CRISP2: variants seen among roughly 807,000 people sequenced by gnomAD.
CRISP2 encodes the protein cysteine-rich secretory protein 2.
A neutral mutation model predicts 31.7 loss-of-function variants in CRISP2; 29 were observed. That is an observed-to-expected ratio of 0.92 (90% CI 0.68 to 1.25). CRISP2 has a LOEUF of 1.25. Ranked by LOEUF, CRISP2 falls within the 50% of genes most tolerant of loss-of-function variation. The pLI is 0.00. For missense variants in CRISP2, 318 were observed against 286.5 expected (o/e 1.11, Z -0.79); for synonymous variants, 111 against 101.4 (o/e 1.09, Z -0.57).
chr6:49,708,395 G>A (rs756272769), intron 4 of CRISP2, among the ~76,000 whole-genome samples: 6 of 152,278 alleles, frequency 3.9e-5, no homozygotes, highest in South Asian at 2.1e-4. Flanking sequence ...AAAAGTCTTC[G>A]CAGATGTAAT....
the CRISP2 span, among the ~76,000 whole-genome samples, chr6:49,679,054 T>C: frequency 6.6e-6 from 1 of 152,212 alleles, no homozygotes; most frequent in Non-Finnish European, 1.5e-5. Flanking sequence ...ATGTTCTGCT[T>C]ATGTTCTGCA....
At chr6:49,687,757 G>A (rs1763929130), downstream of CRISP2, among the ~76,000 whole-genome samples, 1 of 152,106 alleles carries the variant, frequency 6.6e-6, no homozygotes, top group South Asian at 2.1e-4. Flanking sequence ...TAAGTTTCAC[G>A]ATCACACAAC....
At chr6:49,698,077 A>G in intron 7 of CRISP2, 120 bp from the exon 8 acceptor site, 1 of 787,860 alleles carries the variant, frequency 1.3e-6, no homozygotes, top group Non-Finnish European at 1.9e-6. Context: ...CCATAAAAAT[A>G]TTTAAATTAT....
the CRISP2 span, among the ~76,000 whole-genome samples, chr6:49,686,067 T>C: frequency 1.3e-5 from 2 of 152,202 alleles, no homozygotes; most frequent in African/African-American, 4.8e-5. Context: ...TTTGCAAAAA[T>C]GTGAAGCCAT....
At chr6:49,706,921 A>G (rs1490951981) in intron 4 of CRISP2, among the ~76,000 whole-genome samples, 2 of 152,196 alleles carry the variant, frequency 1.3e-5, no homozygotes, top group Admixed American at 6.6e-5. Context: ...GTTAGAAAGG[A>G]TGTGCATATA....
At chr6:49,683,677 AAAAAAAAAAAAAAAAAAAT>A in the CRISP2 span, among the ~76,000 whole-genome samples, 3 of 37,700 alleles carry the variant, frequency 8.0e-5, no homozygotes, top group African/African-American at 2.5e-4. Context: ...AAAAAAAAAA[AAAAAAAAAAAAAAAAAAAT>A]ATATATATAT....
chr6:49,702,321 TACTC>T (rs935372932), intron 4 of CRISP2, among the ~76,000 whole-genome samples: 54 of 151,194 alleles, frequency 3.6e-4, no homozygotes, highest in African/African-American at 1.2e-3. Context: ...TCTGAGTAGA[TACTC>T]AGTAGTGAAA....
At chr6:49,709,077 C>A (rs1582141378) in intron 4 of CRISP2, 54 bp downstream of exon 4, 1 of 1,482,392 alleles carries the variant, frequency 6.7e-7, no homozygotes, top group African/African-American at 1.4e-5. Context: ...GAATAGCCTG[C>A]CATACCACAA....
the CRISP2 span, among the ~76,000 whole-genome samples, chr6:49,684,006 A>G: frequency 3.5e-4 from 53 of 152,038 alleles, no homozygotes; most frequent in Non-Finnish European, 3.4e-4. Flanking sequence ...GAGTCCTACT[A>G]TATCTGTACT....
At chr6:49,697,827 T>G (rs772298118) in intron 8 of CRISP2, 33 bp downstream of exon 8, 1 of 1,605,970 alleles carries the variant, frequency 6.2e-7, no homozygotes, top group African/African-American at 1.3e-5. Flanking sequence ...GCAGATAGAA[T>G]TATTGCCATT....
At chr6:49,688,249 C>T (rs1763946073), downstream of CRISP2, among the ~76,000 whole-genome samples, 1 of 152,154 alleles carries the variant, frequency 6.6e-6, no homozygotes, top group Admixed American at 6.6e-5. Context: ...TGGAGAAAAG[C>T]TTGAACAGGA....
chr6:49,684,131 G>T, the CRISP2 span, among the ~76,000 whole-genome samples: 1 of 152,046 alleles, frequency 6.6e-6, no homozygotes, highest in East Asian at 1.9e-4. Flanking sequence ...AGGATAAAGT[G>T]CAAAAATGAA....
At chr6:49,708,169 C>A (rs1379692510) in intron 4 of CRISP2, among the ~76,000 whole-genome samples, 1 of 151,936 alleles carries the variant, frequency 6.6e-6, no homozygotes, top group African/African-American at 2.4e-5. Context: ...TTAAGGAAAT[C>A]AGAAAATAGA....
At chr6:49,688,883 G>A (rs987301970), downstream of CRISP2, among the ~76,000 whole-genome samples, 2 of 151,442 alleles carry the variant, frequency 1.3e-5, no homozygotes, top group Non-Finnish European at 2.9e-5. Flanking sequence ...TATTTTTTTG[G>A]GGGGGACTGA....
upstream of CRISP2, chr6:49,713,587 G>A (rs1768421571): frequency 6.6e-6 from 1 of 152,344 alleles, no homozygotes; most frequent in Non-Finnish European, 1.5e-5. Flanking sequence ...CAGGCGCCAC[G>A]TGTGGGCGAC....
At chr6:49,698,156 G>T (rs1765090774) in intron 7 of CRISP2, among the ~76,000 whole-genome samples, 199 bp from the exon 8 acceptor site, 1 of 152,020 alleles carries the variant, frequency 6.6e-6, no homozygotes, top group South Asian at 2.1e-4. Context: ...AATTTATAAT[G>T]TAGGAACAAT....
intron 4 of CRISP2, among the ~76,000 whole-genome samples, chr6:49,702,086 TTA>T (rs1193812965): frequency 3.8e-5 from 4 of 106,462 alleles, no homozygotes; most frequent in Non-Finnish European, 5.5e-5. Context: ...GTAATATATA[TTA>T]TATATATTAT....
At chr6:49,693,892 G>A (rs1232699662) in intron 9 of CRISP2, among the ~76,000 whole-genome samples, 1 of 152,034 alleles carries the variant, frequency 6.6e-6, no homozygotes, top group East Asian at 1.9e-4. Context: ...TTTGAATTCT[G>A]TACCCTAAAG....
chr6:49,691,532 A>C (rs1764054048), downstream of CRISP2, among the ~76,000 whole-genome samples: 1 of 151,950 alleles, frequency 6.6e-6, no homozygotes, highest in East Asian at 1.9e-4. Context: ...TTGCTGATAC[A>C]TTTACTAAAT....
Sources: gnomAD v4.1 joint callset for allele counts (sites outside exome capture counted in the v4.1 genomes callset) on GRCh38, gnomAD v4.1.1 for gene constraint, MANE v1.5 for transcripts, NCBI Gene and HGNC (gene_info 2026-07-23, HGNC 2026-07-21) for gene names.